The following SPPL2B variants were observed in gnomAD, a reference collection of about 807,000 sequenced individuals.
SPPL2B encodes signal peptide peptidase like 2B.
In SPPL2B, 39 loss-of-function variants were observed where a neutral mutation model predicts 59.7. The ratio of observed to expected loss-of-function variants is 0.65; its 90% confidence interval spans 0.51 to 0.85. The LOEUF is 0.85. Among genes scored for constraint, SPPL2B ranks in the 40% least tolerant of loss-of-function variants. The pLI is 0.00. For synonymous variants in SPPL2B, 419 were observed against 370.8 expected (o/e 1.13, Z -1.49); for missense variants, 865 against 849.0 (o/e 1.02, Z -0.23).
chr19:2,353,349 C>T lies in SPPL2B; in HGVS notation c.*140C>T, dbSNP rs75833880. ...TCCCCACCCGCCCCAACATGGTGCT[C>T]ATCCTTGCCGAGACCCCTGCGGTCT... is the stretch of plus-strand genomic sequence containing the variant. On this transcript the variant is annotated 3_prime_UTR_variant, in exon 15 of 15. Transcript: ENST00000613503. The T allele has an allele frequency of 0.016, 17,923 of 1,115,212 alleles. 321 individuals are homozygous for T. The highest frequency in any genetic ancestry group is 0.08 in the African/African-American group (5,057 of 63,040). The allele number at this position is 1,115,212 out of a possible 1,614,324, so 69.1% of individuals were successfully genotyped here.
chr19:2,350,800 C>T (rs1315893367), intron 13 of SPPL2B, among the ~76,000 whole-genome samples: 2 of 152,242 alleles, frequency 1.3e-5, no homozygotes, highest in Admixed American at 6.5e-5. Context: ...CAGTTTACGT[C>T]AGGGACATGA....
Position 2,344,399 on chromosome 19 carries a change from C to T in SPPL2B, c.1151C>T (p.Pro384Leu), listed in dbSNP as rs755659714. 5 of 1,565,180 alleles carry T rather than the reference C, an allele frequency of 3.2e-6. No individual in the cohort carries two copies. Among genetic ancestry groups the T allele is most frequent in the South Asian group, 2.3e-5 (2 of 85,328 alleles). Residue 384 changes from proline to leucine, a missense_variant, in exon 11 of 15, where the codon CCC becomes CTC. By Grantham distance (98) the Pro-to-Leu change is moderately conservative. Coordinates refer to ENST00000613503, the MANE Select transcript of SPPL2B (RefSeq NM_152988.3). Reference sequence around the variant, plus strand: ...ATCATGGTGGAGGTGGCCACTGGGCCCTCGGACTCAGCCACCCGTGAGAAG... The same window carrying T: ...ATCATGGTGGAGGTGGCCACTGGGCTCTCGGACTCAGCCACCCGTGAGAAG... ...SSIMVEVATG[P>L]SDSATREKLP... is the part of the protein sequence containing the mutation.
intron 5 of SPPL2B, 162 bp from the exon 6 acceptor site, chr19:2,339,662 C>A: frequency 1.3e-6 from 1 of 775,694 alleles, no homozygotes; most frequent in East Asian, 2.7e-5. Context: ...GTGGTCTCCT[C>A]TGCCCTGGGG....
In SPPL2B at chr19:2,338,589, G is replaced by C. The variant is rs1371826237; in HGVS notation, c.370-163G>C. On this transcript the variant is annotated intron_variant, in intron 3 of 14. Coordinates refer to ENST00000613503, the MANE Select transcript of SPPL2B (RefSeq NM_152988.3). ...GGCCTCCCTGTTCTTGGGTCCTCCTGGGGGGCCGGAGGCTGTCAGCTGCAG... is the reference window on the plus strand; with the variant it reads ...GGCCTCCCTGTTCTTGGGTCCTCCTCGGGGGCCGGAGGCTGTCAGCTGCAG... 2.1e-5 allele frequency: 12 copies of C among 573,324 alleles called. No homozygotes were observed. In the East Asian group the frequency reaches 3.3e-4, roughly 16 times the overall value. 35.5% of individuals were successfully genotyped at this position (573,324 alleles called of 1,614,324 possible).
chr19:2,351,337 G>A, intron 13 of SPPL2B, 97 bp from the exon 14 acceptor site: 1 of 990,780 alleles, frequency 1.0e-6, no homozygotes, highest in South Asian at 1.5e-5. Context: ...GCACACCCCT[G>A]CCCTCCACCA....
At chr19:2,337,791 G>T in intron 3 of SPPL2B, 166 bp downstream of exon 3, 1 of 686,128 alleles carries the variant, frequency 1.5e-6, no homozygotes, top group Non-Finnish European at 2.3e-6. Flanking sequence ...GATCCGGGCC[G>T]AGTGTGGCCG....
At chr19:2,351,201 C>T (rs1024643765) in intron 13 of SPPL2B, among the ~76,000 whole-genome samples, 8 of 152,188 alleles carry the variant, frequency 5.3e-5, no homozygotes, top group East Asian at 1.9e-4. Context: ...CTTCCATGTC[C>T]TCGGTGACCC....
rs1193795595 is a variant in SPPL2B at position 2,341,004 on chromosome 19, A to G, written c.946A>G (p.Asn316Asp). 3 of 1,603,518 alleles carry G rather than the reference A, an allele frequency of 1.9e-6. No homozygotes were observed. The highest frequency in any genetic ancestry group is 1.3e-5 in the African/African-American group (1 of 74,854). Reference protein sequence around the residue: ...AVSVVWGVFRNEDQWAWVLQD... With the variant: ...AVSVVWGVFRDEDQWAWVLQD... ...CAGCGTGGTGTGGGGCGTCTTCCGC[A>G]ACGAGGACCAGTAAGTGCTGCTTCC... The change falls in exon 8 of 15, where the codon AAC becomes GAC. Residue 316 changes from asparagine to aspartate, a missense_variant. Physicochemically the swap from Asn to Asp is conservative, Grantham distance 23 (BLOSUM62 1). Transcript: ENST00000613503.
rs890630266 is a variant in SPPL2B, at chr19:2,332,009, C to T, written c.67-2593C>T. ...GGGCTGTGTTGGAAGGGGCACCCTC[C>T]GGGCTCGGCACCGGGGCCAGACTAA... is the stretch of plus-strand genomic sequence containing the variant. On this transcript the variant is annotated intron_variant, in intron 1 of 14. Transcript: ENST00000613503. This position sits in a 1 kb window ranked among gnomAD's most constrained non-coding sequence, Gnocchi z 4.6. 2.0e-5 allele frequency among the ~76,000 whole-genome samples: 3 copies of T among 152,266 alleles called. No individual in the cohort carries two copies. The highest frequency in any genetic ancestry group is 4.8e-5 in the African/African-American group (2 of 41,476).
chr19:2,336,836 T>C (rs1231030439), intron 2 of SPPL2B, among the ~76,000 whole-genome samples: 1 of 144,432 alleles, frequency 6.9e-6, no homozygotes, highest in Non-Finnish European at 1.5e-5. Context: ...GCTATGTGCG[T>C]GTGTGTGTGT....
At chr19:2,331,320 C>G (rs769960996) in intron 1 of SPPL2B, among the ~76,000 whole-genome samples, 24 of 152,228 alleles carry the variant, frequency 1.6e-4, no homozygotes, top group Non-Finnish European at 2.4e-4. Flanking sequence ...GTTTCTGAAC[C>G]TGTGTGCGGT....
At position 2,353,739 on chromosome 19, in the gene SPPL2B, G is replaced by A. The variant is rs1313668110; in HGVS notation, c.*530G>A. 6.5e-6 allele frequency: 1 copy of A among 154,464 alleles called. No homozygotes were observed. Among genetic ancestry groups the A allele is most frequent in the Non-Finnish European group, 1.4e-5 (1 of 69,548 alleles). The allele number at this position is 154,464 out of a possible 1,614,324, so 9.6% of individuals were successfully genotyped here. ...GCCTCCAAGCCTAGGACACGGACCA[G>A]TGGCCGGGGCGGCCTCTGGCCCCTG... On this transcript the variant is annotated 3_prime_UTR_variant, in exon 15 of 15. Transcript: ENST00000613503.
At chr19:2,348,027 CCACA>C (rs1295429204) in intron 13 of SPPL2B, among the ~76,000 whole-genome samples, 8 of 76,014 alleles carry the variant, frequency 1.1e-4, no homozygotes, top group African/African-American at 4.7e-4. Context: ...TTCTCTCCCT[CCACA>C]CACAGACTCA....
chr19:2,336,418 A>G (rs1968616770), intron 2 of SPPL2B, among the ~76,000 whole-genome samples: 1 of 150,664 alleles, frequency 6.6e-6, no homozygotes, highest in Admixed American at 6.6e-5. Context: ...ACATGTGGAT[A>G]ATAGGTTTGT....
chr19:2,339,243 T>C, intron 5 of SPPL2B, 35 bp downstream of exon 5: 3 of 1,585,938 alleles, frequency 1.9e-6, no homozygotes, highest in Non-Finnish European at 2.6e-6. Flanking sequence ...TGTGACGGGG[T>C]CGGGCGGCTC....
At position 2,337,571 on chromosome 19, in the gene SPPL2B, G is replaced by A. The variant is rs757597503; in HGVS notation, c.315G>A (p.Arg105=). ...ACTGCACCTTCTATGAGAAAGTGAGGCTGGCCCAGGGCAGCGGAGCACGCG... is the reference window on the plus strand; with the variant it reads ...ACTGCACCTTCTATGAGAAAGTGAGACTGGCCCAGGGCAGCGGAGCACGCG... ...RGNCTFYEKV[R]LAQGSGARGL... is the part of the protein sequence containing the mutation. Residue 105 remains arginine, a synonymous_variant, in exon 3 of 15, where the codon AGG becomes AGA. Coordinates refer to ENST00000613503, the MANE Select transcript of SPPL2B (RefSeq NM_152988.3). 6.2e-7 allele frequency: 1 copy of A among 1,610,282 alleles called. No homozygotes were observed. The highest frequency in any genetic ancestry group is 2.2e-5 in the East Asian group (1 of 44,792).
In SPPL2B at chr19:2,353,509, C is replaced by T; in HGVS notation, c.*300C>T. The T allele has an allele frequency of 2.4e-6, 1 of 425,296 alleles. No individual in the cohort carries two copies. 26.3% of individuals were successfully genotyped at this position (425,296 alleles called of 1,614,324 possible). On this transcript the variant is annotated 3_prime_UTR_variant, in exon 15 of 15. Transcript: ENST00000613503. ...AGGCCCTGCCCGGCCTCTCTGCAGA[C>T]CCTCAAGCGTCGTCTGCATGAGTGA...
rs375030727 is a variant in SPPL2B, at chr19:2,339,220, A to G, written c.599+12A>G. 7 of 1,601,048 alleles carry G rather than the reference A, an allele frequency of 4.4e-6. No individual in the cohort carries two copies. In the African/African-American group the frequency reaches 6.7e-5, roughly 15 times the overall value. On this transcript the variant is annotated intron_variant, in intron 5 of 14. Coordinates refer to ENST00000613503, the MANE Select transcript of SPPL2B (RefSeq NM_152988.3). The stretch of plus-strand genomic sequence containing the variant: ...CGGGACGTGAAGAAGTGAGTTTCGC[A>G]TCGTGCGTGTGCTGTGACGGGGTCG...
At chr19:2,352,813 C>G (rs1030658739) in intron 14 of SPPL2B, 133 bp from the exon 15 acceptor site, 1 of 999,808 alleles carries the variant, frequency 1.0e-6, no homozygotes. Context: ...CTCCTTGGGT[C>G]CAGAGCCCCT....
Sources: gnomAD v4.1 joint callset for allele counts (sites outside exome capture counted in the v4.1 genomes callset) on GRCh38, gnomAD v4.1.1 for gene constraint, Gnocchi (gnomAD v3.1) non-coding constraint, MANE v1.5 for transcripts, NCBI Gene and HGNC (gene_info 2026-07-23, HGNC 2026-07-21) for gene names.